CNTNAP2: variants seen among roughly 807,000 people sequenced by gnomAD.
The protein encoded by CNTNAP2 is contactin associated protein 2.
CNTNAP2 carries 98 observed loss-of-function variants against 155.2 expected under a neutral mutation model. That is an observed-to-expected ratio of 0.63 (90% CI 0.54 to 0.75). The LOEUF is 0.75. Among genes scored for constraint, CNTNAP2 ranks in the 30% least tolerant of loss-of-function variants. The probability of loss-of-function intolerance (pLI) is 0.00; values close to 1 mark genes in which losing one functional copy is unlikely to be tolerated. For missense variants in CNTNAP2, 1,727 were observed against 1,688.1 expected, an observed-to-expected ratio of 1.02 and a Z score of -0.40; for synonymous variants, 651 against 631.2, an observed-to-expected ratio of 1.03 and a Z score of -0.47.
At chr7:148,013,653 G>A (rs758037935) in intron 15 of CNTNAP2, among the ~76,000 whole-genome samples, 10 of 152,164 alleles carry the variant, frequency 6.6e-5, no homozygotes, top group Non-Finnish European at 1.3e-4. Context: ...ATTGGTGTGA[G>A]GAATAGAATT....
At chr7:148,330,250 G>A (rs562683019) in intron 21 of CNTNAP2, among the ~76,000 whole-genome samples, 30 of 145,656 alleles carry the variant, frequency 2.1e-4, no homozygotes, top group African/African-American at 6.4e-4. Flanking sequence ...GGAATGGATC[G>A]ATGGAGTGGA....
chr7:147,164,073 T>G (rs1240042686), intron 8 of CNTNAP2, among the ~76,000 whole-genome samples: 3 of 152,194 alleles, frequency 2.0e-5, no homozygotes, highest in Non-Finnish European at 4.4e-5. Flanking sequence ...CACAGATAAA[T>G]GGAAGACTTT....
At chr7:147,849,038 T>A (rs934472730) in intron 13 of CNTNAP2, among the ~76,000 whole-genome samples, 1 of 152,178 alleles carries the variant, frequency 6.6e-6, no homozygotes, top group Non-Finnish European at 1.5e-5. Context: ...GAATGAAAAT[T>A]GTTCAGTAAA....
At chr7:148,196,314 A>T (rs1585181149) in intron 18 of CNTNAP2, among the ~76,000 whole-genome samples, 1 of 152,212 alleles carries the variant, frequency 6.6e-6, no homozygotes, top group African/African-American at 2.4e-5. Context: ...CCCAAGTGAA[A>T]TAAATCAATC....
chr7:146,821,605 G>T (rs1384630039), intron 2 of CNTNAP2, among the ~76,000 whole-genome samples: 2 of 151,886 alleles, frequency 1.3e-5, no homozygotes, highest in East Asian at 1.9e-4. Context: ...AATCTACAAT[G>T]AACTCCAACA....
At chr7:146,447,785 G>T (rs958315952) in intron 1 of CNTNAP2, among the ~76,000 whole-genome samples, 2 of 151,892 alleles carry the variant, frequency 1.3e-5, no homozygotes, top group Admixed American at 1.3e-4. Flanking sequence ...AAAATGGTTC[G>T]TGTATGATAA....
chr7:147,155,527 A>C (rs1801907963), intron 8 of CNTNAP2, among the ~76,000 whole-genome samples: 1 of 152,124 alleles, frequency 6.6e-6, no homozygotes, highest in Non-Finnish European at 1.5e-5. Context: ...GCTGATATGA[A>C]TGTTGGCAGG....
intron 12 of CNTNAP2, among the ~76,000 whole-genome samples, chr7:147,574,386 T>C (rs757156274): frequency 1.3e-5 from 2 of 152,104 alleles, no homozygotes; most frequent in Admixed American, 6.6e-5. Flanking sequence ...GGAGCTTTAC[T>C]GTGGGTTAGA....
chr7:146,492,464 T>G (rs1486635140), intron 1 of CNTNAP2, among the ~76,000 whole-genome samples: 2 of 152,230 alleles, frequency 1.3e-5, no homozygotes. Context: ...TCTTAGTTCC[T>G]TGGTTCTTCC....
intron 1 of CNTNAP2, among the ~76,000 whole-genome samples, chr7:146,179,644 A>T (rs1798522451): frequency 6.6e-6 from 1 of 152,184 alleles, no homozygotes; most frequent in African/African-American, 2.4e-5. Context: ...TAAGTGAAGT[A>T]AACAAGTCCC....
At chr7:147,366,320 T>C (rs1796228868) in intron 9 of CNTNAP2, among the ~76,000 whole-genome samples, 1 of 152,150 alleles carries the variant, frequency 6.6e-6, no homozygotes, top group African/African-American at 2.4e-5. Context: ...TGGAGATTTG[T>C]CTTATCTTTC....
intron 21 of CNTNAP2, among the ~76,000 whole-genome samples, chr7:148,353,672 C>T (rs982376104): frequency 5.9e-5 from 9 of 152,138 alleles, no homozygotes; most frequent in Admixed American, 2.0e-4. Context: ...CACACACGCA[C>T]ACACAAGTAT....
chr7:147,488,557 A>ATTT lies in CNTNAP2; in HGVS notation c.1777+2516_1777+2517insTTT, dbSNP rs1563224394. Among the ~76,000 whole-genome samples, 32 of 121,062 alleles carry ATTT rather than the reference A, an allele frequency of 2.6e-4. 1 individual carries two copies. Among genetic ancestry groups the ATTT allele is most frequent in the Middle Eastern group, 4.3e-3 (1 of 230 alleles). 79.4% of individuals were successfully genotyped at this position (121,062 alleles called of 152,430 possible). ...TTATTTTAAATAGTATTTTTTTTTA[A>ATTT]AAAAAGCAGCTAACTAAGAGCTAAA... On this transcript the variant is annotated intron_variant, in intron 11 of 23. Transcript: ENST00000361727.
intron 4 of CNTNAP2, among the ~76,000 whole-genome samples, chr7:147,085,387 T>C (rs566022405): frequency 2.0e-5 from 3 of 152,046 alleles, no homozygotes; most frequent in South Asian, 4.1e-4. Flanking sequence ...GTCAGATGAG[T>C]GCCCGCATTA....
intron 3 of CNTNAP2, among the ~76,000 whole-genome samples, chr7:146,929,444 A>T (rs1796694838): frequency 6.6e-6 from 1 of 152,182 alleles, no homozygotes. Flanking sequence ...TCTGTACATC[A>T]CCATCATCAA....
At chr7:147,011,383 C>T (rs1798619645) in intron 3 of CNTNAP2, among the ~76,000 whole-genome samples, 1 of 133,800 alleles carries the variant, frequency 7.5e-6, no homozygotes, top group South Asian at 2.6e-4. Flanking sequence ...TGCACCACTT[C>T]ACTCCAGCCT....
Position 147,439,053 on chromosome 7 carries a change from T to C in CNTNAP2, c.1670+43273T>C, listed in dbSNP as rs539565073. On this transcript the variant is annotated intron_variant, in intron 10 of 23. Coordinates refer to ENST00000361727, the MANE Select transcript of CNTNAP2 (RefSeq NM_014141.6). ...AAAAACCAACTTTTTATTTCATTGG[T>C]CTTTTGTATTGTTTTCTTCATTTCA... 7.9e-5 allele frequency among the ~76,000 whole-genome samples: 12 copies of C among 152,186 alleles called. No homozygotes were observed. The East Asian group carries it at 2.3e-3, about 29-fold the overall frequency.
At chr7:147,824,315 A>T (rs993833196) in intron 13 of CNTNAP2, among the ~76,000 whole-genome samples, 8 of 152,162 alleles carry the variant, frequency 5.3e-5, no homozygotes, top group Admixed American at 4.6e-4. Flanking sequence ...TATCTGTAAG[A>T]TGTGGACCCA....
intron 1 of CNTNAP2, among the ~76,000 whole-genome samples, chr7:146,731,655 A>C (rs1801527679): frequency 6.6e-6 from 1 of 152,190 alleles, no homozygotes; most frequent in African/African-American, 2.4e-5. Context: ...AATACATTAA[A>C]ATCTTAAACT....
Sources: allele counts gnomAD v4.1 joint callset (sites outside exome capture counted in the v4.1 genomes callset), GRCh38; gene constraint gnomAD v4.1.1; transcripts MANE v1.5; gene names NCBI Gene and HGNC (gene_info 2026-07-23, HGNC 2026-07-21).